TCF12: variants seen among roughly 807,000 people sequenced by gnomAD.
TCF12 encodes the protein transcription factor 12.
TCF12 carries 45 observed loss-of-function variants against 86.0 expected under a neutral mutation model. The ratio of observed to expected loss-of-function variants is 0.52; its 90% CI spans 0.41 to 0.67. TCF12 has a LOEUF of 0.67. Among genes scored for constraint, TCF12 ranks in the 30% least tolerant of loss-of-function variants. TCF12 has a pLI of 0.00. For synonymous variants in TCF12, 330 were observed against 299.6 expected (o/e 1.10, Z -1.05); for missense variants, 881 against 859.9 (o/e 1.02, Z -0.31).
chr15:56,972,099 T>C (rs1271980179), intron 3 of TCF12, among the ~76,000 whole-genome samples: 1 of 152,256 alleles, frequency 6.6e-6, no homozygotes, highest in African/African-American at 2.4e-5. Flanking sequence ...AAAGCTGTTA[T>C]AAAAGAAGTG....
intron 19 of TCF12, chr15:57,281,615 C>T (rs1458269981): frequency 2.0e-5 from 3 of 152,218 alleles, no homozygotes; most frequent in African/African-American, 7.2e-5. Context: ...TCAGCGGCAG[C>T]ATTAGATTCT....
At chr15:57,256,543 T>TCCCCCCCCC (rs1566997445) in intron 16 of TCF12, among the ~76,000 whole-genome samples, 34 of 138,156 alleles carry the variant, frequency 2.5e-4, no homozygotes, top group Non-Finnish European at 3.2e-4. Context: ...TGGAATCGAT[T>TCCCCCCCCC]CCCCACCCCC....
At chr15:56,919,775 G>T in intron 1 of TCF12, 117 bp from the exon 2 acceptor site, 3 of 863,582 alleles carry the variant, frequency 3.5e-6, no homozygotes, top group Non-Finnish European at 5.3e-6. Flanking sequence ...TCGGGGTCCT[G>T]GAAGTCATCC....
intron 3 of TCF12, among the ~76,000 whole-genome samples, chr15:57,019,936 T>C (rs1005749900): frequency 2.0e-5 from 3 of 152,192 alleles, no homozygotes; most frequent in South Asian, 2.1e-4. Context: ...GGGACTGTTA[T>C]CATCCTTGCT....
chr15:57,001,085 C>T (rs1355148788), intron 3 of TCF12, among the ~76,000 whole-genome samples: 8 of 144,758 alleles, frequency 5.5e-5, no homozygotes, highest in South Asian at 2.2e-4. Context: ...GGCGCGATCT[C>T]GGCTCACTGC....
intron 8 of TCF12, among the ~76,000 whole-genome samples, chr15:57,220,554 T>C (rs1012709270): frequency 1.3e-5 from 2 of 152,224 alleles, no homozygotes; most frequent in Non-Finnish European, 2.9e-5. Context: ...GGTTGATTTA[T>C]AGCAAGCACA....
chr15:57,256,185 T>G (rs2060338230), intron 16 of TCF12, among the ~76,000 whole-genome samples: 1 of 152,184 alleles, frequency 6.6e-6, no homozygotes, highest in Non-Finnish European at 1.5e-5. Flanking sequence ...AGTTCTCAGC[T>G]TCAGCAAAAA....
intron 4 of TCF12, among the ~76,000 whole-genome samples, chr15:57,087,343 T>G (rs1267416496): frequency 6.6e-6 from 1 of 151,064 alleles, no homozygotes; most frequent in Non-Finnish European, 1.5e-5. Context: ...GCCCAGCAGA[T>G]TGAGGCTGCG....
intron 3 of TCF12, among the ~76,000 whole-genome samples, chr15:57,005,635 A>G (rs541292804): frequency 1.3e-4 from 20 of 152,148 alleles, no homozygotes; most frequent in Middle Eastern, 6.8e-3. Context: ...TGGTGCAGTC[A>G]TGGCTCACTT....
At chr15:57,163,570 G>A (rs1197433131) in intron 5 of TCF12, among the ~76,000 whole-genome samples, 1 of 152,068 alleles carries the variant, frequency 6.6e-6, no homozygotes, top group African/African-American at 2.4e-5. Context: ...AGGCGTGTTG[G>A]CAAACACCTA....
intron 3 of TCF12, among the ~76,000 whole-genome samples, chr15:57,043,053 A>G (rs1365871264): frequency 6.6e-6 from 1 of 152,194 alleles, no homozygotes; most frequent in African/African-American, 2.4e-5. Flanking sequence ...CTGCAGGTTC[A>G]TTCATGTTAT....
chr15:57,262,532 C>T (rs1232628593), intron 17 of TCF12, among the ~76,000 whole-genome samples: 3 of 152,140 alleles, frequency 2.0e-5, no homozygotes, highest in African/African-American at 7.2e-5. Context: ...GAGGCATTGA[C>T]AGAGATATTT....
At position 57,099,839 on chromosome 15, in the gene TCF12, A is replaced by G. The variant is rs148958476; in HGVS notation, c.325+7948A>G. On this transcript the variant is annotated intron_variant, in intron 5 of 20. Coordinates refer to ENST00000333725, the MANE Select transcript of TCF12 (RefSeq NM_207037.2). The stretch of plus-strand genomic sequence containing the variant: ...AAGCAATCAACTGTGGCTTGAGACA[A>G]CCGTACTATCTGTAGAGGATATTTC... Among the ~76,000 whole-genome samples, 82 of 151,780 alleles carry G rather than the reference A, an allele frequency of 5.4e-4. 1 individual carries two copies. The East Asian group carries it at 0.014, about 27-fold the overall frequency.
chr15:57,094,074 G>C (rs2049162581), intron 5 of TCF12, among the ~76,000 whole-genome samples: 1 of 152,132 alleles, frequency 6.6e-6, no homozygotes, highest in Non-Finnish European at 1.5e-5. Flanking sequence ...GTTTTGTAGA[G>C]ATGAGGTCTC....
chr15:57,183,470 G>A (rs1326691350), intron 6 of TCF12, among the ~76,000 whole-genome samples: 1 of 152,048 alleles, frequency 6.6e-6, no homozygotes, highest in African/African-American at 2.4e-5. Context: ...TGTCATTTCT[G>A]CCCCTATTCT....
intron 3 of TCF12, among the ~76,000 whole-genome samples, chr15:57,044,902 G>T (rs769159041): frequency 6.6e-6 from 1 of 152,104 alleles, no homozygotes; most frequent in Non-Finnish European, 1.5e-5. Flanking sequence ...ATCGTTTGTG[G>T]TACTGATGAA....
intron 16 of TCF12, among the ~76,000 whole-genome samples, chr15:57,255,342 A>G (rs995700670): frequency 2.2e-4 from 33 of 152,202 alleles, no homozygotes; most frequent in Non-Finnish European, 4.7e-4. Flanking sequence ...GAAGACTGTT[A>G]GAGGGAAAAA....
chr15:57,182,466 TAA>T (rs1158906196), intron 6 of TCF12, among the ~76,000 whole-genome samples: 1 of 152,156 alleles, frequency 6.6e-6, no homozygotes, highest in Non-Finnish European at 1.5e-5. Context: ...TTGTATTTCT[TAA>T]GAGTACTGAA....
chr15:57,051,971 G>A (rs1174344306), intron 3 of TCF12, among the ~76,000 whole-genome samples: 2 of 152,060 alleles, frequency 1.3e-5, no homozygotes, highest in African/African-American at 4.8e-5. Flanking sequence ...TCTCTATTCT[G>A]TTCCATTGGT....
Sources: gnomAD v4.1 joint callset for allele counts (sites outside exome capture counted in the v4.1 genomes callset) on GRCh38, gnomAD v4.1.1 for gene constraint, MANE v1.5 for transcripts, NCBI Gene and HGNC (gene_info 2026-07-23, HGNC 2026-07-21) for gene names.